DLG2: variants seen among roughly 807,000 people sequenced by gnomAD.
The protein encoded by DLG2 is disks large homolog 2.
DLG2 carries 45 observed loss-of-function variants against 132.5 expected under a neutral mutation model. That is an observed-to-expected ratio of 0.34 (90% CI 0.27 to 0.44). The LOEUF (loss-of-function observed/expected upper bound fraction) is 0.44. Among genes scored for constraint, DLG2 ranks in the 20% least tolerant of loss-of-function variants. The pLI, the probability that DLG2 is intolerant of heterozygous loss-of-function variation, is 1.00. For synonymous variants in DLG2, 424 were observed against 419.6 expected (o/e 1.01, Z -0.13); for missense variants, 1,045 against 1,196.9 (o/e 0.87, Z 1.87).
chr11:84,985,768 G>A (rs947479236), intron 6 of DLG2, among the ~76,000 whole-genome samples: 13 of 151,948 alleles, frequency 8.6e-5, no homozygotes, highest in South Asian at 2.1e-4. Context: ...CAAGTTGGGC[G>A]GATCACTTGA....
chr11:84,032,075 G>T (rs181661495), intron 11 of DLG2, among the ~76,000 whole-genome samples: 1 of 151,984 alleles, frequency 6.6e-6, no homozygotes, highest in Non-Finnish European at 1.5e-5. Flanking sequence ...ACCTGTTCTC[G>T]CTCCCTCTTC....
At chr11:83,964,750 T>C (rs1211639724) in intron 13 of DLG2, among the ~76,000 whole-genome samples, 1 of 152,012 alleles carries the variant, frequency 6.6e-6, no homozygotes, top group Non-Finnish European at 1.5e-5. Flanking sequence ...AGTTGTTAGT[T>C]GTTGCTGCAG....
chr11:85,550,990 G>A (rs1176798116), intron 3 of DLG2, among the ~76,000 whole-genome samples: 1 of 152,140 alleles, frequency 6.6e-6, no homozygotes, highest in Non-Finnish European at 1.5e-5. Flanking sequence ...TACAGAAATA[G>A]AAGTGGCACA....
chr11:84,677,826 T>C (rs891422276), intron 6 of DLG2, among the ~76,000 whole-genome samples: 5 of 152,060 alleles, frequency 3.3e-5, no homozygotes, highest in African/African-American at 9.7e-5. Flanking sequence ...GAGTTTTCCA[T>C]TGCAGTGAAC....
At chr11:84,576,093 G>C (rs1384411929) in intron 6 of DLG2, among the ~76,000 whole-genome samples, 5 of 152,122 alleles carry the variant, frequency 3.3e-5, no homozygotes, top group Non-Finnish European at 7.4e-5. Flanking sequence ...GTCTACTCTA[G>C]TCACTCTATT....
At chr11:84,578,643 G>A (rs932287767) in intron 6 of DLG2, among the ~76,000 whole-genome samples, 4 of 152,164 alleles carry the variant, frequency 2.6e-5, no homozygotes, top group African/African-American at 9.7e-5. Context: ...TAACTAGCTT[G>A]CTTTTGACTT....
intron 18 of DLG2, among the ~76,000 whole-genome samples, chr11:83,776,849 C>T (rs556048777): frequency 6.6e-5 from 10 of 152,304 alleles, no homozygotes; most frequent in East Asian, 1.9e-4. Flanking sequence ...GCCTTCTTGA[C>T]GCTCTCCTCT....
Position 84,944,072 on chromosome 11 carries a change from AT to A in DLG2, c.357+167588del, listed in dbSNP as rs2049865072. ...CGTGCCATTCTCCCAGCCTGTAAAG[AT>A]TCTACCGAGAAATCTGCTGCCAGAT... On this transcript the variant is annotated intron_variant, in intron 6 of 27. Coordinates refer to ENST00000376104, the MANE Select transcript of DLG2 (RefSeq NM_001142699.3). 3.9e-5 allele frequency among the ~76,000 whole-genome samples: 6 copies of A among 152,238 alleles called. 1 individual carries two copies. The South Asian group carries it at 1.2e-3, about 32-fold the overall frequency.
At chr11:84,895,057 C>A (rs768344482) in intron 6 of DLG2, among the ~76,000 whole-genome samples, 8 of 152,104 alleles carry the variant, frequency 5.3e-5, no homozygotes, top group Admixed American at 6.6e-5. Flanking sequence ...CTTACATATT[C>A]TCATCTAAAA....
intron 3 of DLG2, among the ~76,000 whole-genome samples, chr11:85,372,158 G>A (rs2085033333): frequency 6.6e-6 from 1 of 152,160 alleles, no homozygotes; most frequent in Non-Finnish European, 1.5e-5. Context: ...TAAAAATCTG[G>A]ATCAATATTC....
At chr11:85,064,495 A>T (rs1002686648) in intron 6 of DLG2, among the ~76,000 whole-genome samples, 1 of 151,702 alleles carries the variant, frequency 6.6e-6, no homozygotes, top group African/African-American at 2.4e-5. Flanking sequence ...TTACATATAA[A>T]CAAATCAATC....
chr11:84,069,716 T>C (rs147013088), intron 10 of DLG2, among the ~76,000 whole-genome samples: 26 of 152,334 alleles, frequency 1.7e-4, no homozygotes, highest in Non-Finnish European at 2.9e-4. Context: ...CTGGGAAGCA[T>C]CACAGCTTTC....
intron 9 of DLG2, 58 bp from the exon 10 acceptor site, chr11:84,099,105 T>G: frequency 6.7e-7 from 1 of 1,490,778 alleles, no homozygotes; most frequent in Non-Finnish European, 9.3e-7. Context: ...ACCTAGTTCC[T>G]CTTGCACTCT....
In DLG2 at chr11:83,853,479, T is replaced by C. The variant is rs140191814; in HGVS notation, c.1566-19709A>G. Among the ~76,000 whole-genome samples the C allele has an allele frequency of 2.5e-3, 382 of 152,288 alleles. 2 individuals are homozygous for C. The highest frequency in any genetic ancestry group is 8.5e-3 in the African/African-American group (355 of 41,566). ...GCTAGGATTATTACCATAAAGCAGA[T>C]GGTTTCTGCTCCCAAGAAGTTCACA... is the stretch of plus-strand genomic sequence containing the variant. On this transcript the variant is annotated intron_variant, in intron 16 of 27. Coordinates refer to ENST00000376104, the MANE Select transcript of DLG2 (RefSeq NM_001142699.3).
chr11:83,655,541 A>G (rs1227233940), intron 18 of DLG2, among the ~76,000 whole-genome samples: 1 of 152,188 alleles, frequency 6.6e-6, no homozygotes. Context: ...CCTCAGTAGC[A>G]CTTTCTCTGT....
intron 21 of DLG2, 106 bp from the exon 22 acceptor site, chr11:83,484,334 C>T (rs1007840816): frequency 2.6e-5 from 20 of 768,078 alleles, no homozygotes; most frequent in East Asian, 1.0e-4. Flanking sequence ...GCTGTAGTGA[C>T]GCAAGTGGAT....
chr11:83,491,096 G>A (rs1263646206), intron 21 of DLG2, among the ~76,000 whole-genome samples: 1 of 149,700 alleles, frequency 6.7e-6, no homozygotes, highest in East Asian at 1.9e-4. Context: ...CTTAATAAAA[G>A]TAGCTAATAG....
intron 18 of DLG2, among the ~76,000 whole-genome samples, chr11:83,775,124 A>G (rs1367867945): frequency 2.0e-5 from 3 of 152,168 alleles, no homozygotes; most frequent in Non-Finnish European, 4.4e-5. Flanking sequence ...GTTCTCATTT[A>G]CAACTGGGTG....
chr11:84,340,583 C>T (rs571146684), intron 7 of DLG2, among the ~76,000 whole-genome samples: 1 of 152,058 alleles, frequency 6.6e-6, no homozygotes, highest in Non-Finnish European at 1.5e-5. Context: ...TCAGTTTTAC[C>T]AGTAAGGGCA....
Sources: gnomAD v4.1 joint callset for allele counts (sites outside exome capture counted in the v4.1 genomes callset) on GRCh38, gnomAD v4.1.1 for gene constraint, MANE v1.5 for transcripts, NCBI Gene and HGNC (gene_info 2026-07-23, HGNC 2026-07-21) for gene names.